Variants in SI observed in about 807,000 individuals in gnomAD.
SI encodes the protein sucrase-isomaltase, intestinal.
A neutral mutation model predicts 253.3 loss-of-function variants in SI; 235 were observed. The ratio of observed to expected loss-of-function variants is 0.93; its 90% CI spans 0.83 to 1.03. The LOEUF (loss-of-function observed/expected upper bound fraction) is 1.03, where lower values mean the gene tolerates loss of function less well. Among genes scored for constraint, SI ranks in the 50% least tolerant of loss-of-function variants. The pLI is 0.00. For missense variants in SI, 2,442 were observed against 2,211.1 expected, an observed-to-expected ratio of 1.10 and a Z score of -2.09; for synonymous variants, 819 against 712.0, an observed-to-expected ratio of 1.15 and a Z score of -2.39.
intron 3 of SI, among the ~76,000 whole-genome samples, chr3:165,073,558 A>G (rs1337157619): frequency 6.6e-6 from 1 of 152,084 alleles, no homozygotes; most frequent in East Asian, 1.9e-4. Flanking sequence ...TAGTTTATTC[A>G]GTTAATTTGT....
chr3:165,008,411 A>T (rs377673301), intron 35 of SI, among the ~76,000 whole-genome samples: 2 of 152,110 alleles, frequency 1.3e-5, no homozygotes, highest in East Asian at 3.9e-4. Context: ...AAGTATCTCT[A>T]TTGAGTACAT....
intron 18 of SI, among the ~76,000 whole-genome samples, 172 bp from the exon 19 acceptor site, chr3:165,040,143 A>G (rs538753648): frequency 1.4e-4 from 21 of 151,774 alleles, no homozygotes; most frequent in African/African-American, 4.8e-4. Flanking sequence ...TGTTCATCTG[A>G]CACTCAGGAA....
chr3:165,068,310 A>C (rs1714363820), intron 5 of SI, among the ~76,000 whole-genome samples: 2 of 152,226 alleles, frequency 1.3e-5, no homozygotes. Flanking sequence ...TGCAGAGCAC[A>C]CTATTATTAT....
intron 44 of SI, among the ~76,000 whole-genome samples, chr3:164,988,779 A>C (rs889467357): frequency 6.6e-6 from 1 of 152,208 alleles, no homozygotes; most frequent in Non-Finnish European, 1.5e-5. Context: ...GACAGGAATA[A>C]GAGATTTACA....
At chr3:165,075,762 T>C (rs2108117301) in intron 2 of SI, 133 bp downstream of exon 2, 1 of 592,130 alleles carries the variant, frequency 1.7e-6, no homozygotes, top group South Asian at 2.4e-5. Context: ...TGGAAGTAAT[T>C]GTGTAACTTA....
Position 164,979,277 on chromosome 3 carries a change from C to T in SI, c.*85G>A, listed in dbSNP as rs1160488104. On this transcript the variant is annotated 3_prime_UTR_variant, in exon 48 of 48. Coordinates refer to ENST00000264382, the MANE Select transcript of SI (RefSeq NM_001041.4). ...AGCTATATTTTGTAGAGTACAAGAA[C>T]CAAGTGAAGAGGGAAAATTGTAAGT... The T allele has an allele frequency of 7.3e-6, 6 of 824,896 alleles. No individual in the cohort carries two copies. Among genetic ancestry groups the T allele is most frequent in the Non-Finnish European group, 1.3e-5 (6 of 469,236 alleles). The allele number at this position is 824,896 out of a possible 1,614,324, so 51.1% of individuals were successfully genotyped here.
At chr3:165,030,644 A>G (rs1187233277) in intron 25 of SI, 68 bp downstream of exon 25, 2 of 1,479,186 alleles carry the variant, frequency 1.4e-6, no homozygotes, top group Non-Finnish European at 1.9e-6. Context: ...AAATTATAAT[A>G]TGTAAAATTT....
intron 26 of SI, 26 bp from the exon 27 acceptor site, chr3:165,021,409 T>C (rs899799939): frequency 6.4e-7 from 1 of 1,567,380 alleles, no homozygotes; most frequent in Non-Finnish European, 8.8e-7. Context: ...AGTAAAAAAG[T>C]TTATTCTGAT....
In SI at chr3:165,039,398, A is replaced by C. The variant is rs111319003; in HGVS notation, c.2245-264T>G. Among the ~76,000 whole-genome samples the C allele has an allele frequency of 5.4e-3, 821 of 152,252 alleles. 7 individuals carry two copies. The highest frequency in any genetic ancestry group is 0.019 in the African/African-American group (784 of 41,566). ...ATGCATATATGTGTATTGTTATAAA[A>C]CACATGGTCATTGTGAATGTGAATA... On this transcript the variant is annotated intron_variant, in intron 19 of 47. Coordinates refer to ENST00000264382, the MANE Select transcript of SI (RefSeq NM_001041.4).
intron 17 of SI, 91 bp from the exon 18 acceptor site, chr3:165,041,185 T>A: frequency 9.0e-7 from 1 of 1,116,060 alleles, no homozygotes; most frequent in Non-Finnish European, 1.3e-6. Flanking sequence ...TTAAAGCAAC[T>A]ACATAAATTT....
At chr3:165,056,453 G>A (rs1395884054) in intron 12 of SI, among the ~76,000 whole-genome samples, 1 of 152,054 alleles carries the variant, frequency 6.6e-6, no homozygotes, top group African/African-American at 2.4e-5. Context: ...CCAAATTCAG[G>A]TGAGTGATCA....
intron 15 of SI, 89 bp downstream of exon 15, chr3:165,049,038 A>G (rs1713288853): frequency 1.2e-6 from 1 of 830,694 alleles, no homozygotes; most frequent in Non-Finnish European, 2.1e-6. Context: ...CAACTTTGCT[A>G]TTTCCTAATT....
intron 47 of SI, among the ~76,000 whole-genome samples, chr3:164,981,362 C>G (rs553067946): frequency 6.6e-6 from 1 of 152,120 alleles, no homozygotes; most frequent in Admixed American, 6.6e-5. Context: ...TGCTGTTTAA[C>G]TCTGACATCC....
upstream of SI, among the ~76,000 whole-genome samples, chr3:165,080,812 T>C (rs1214011490): frequency 6.6e-6 from 1 of 151,874 alleles, no homozygotes; most frequent in African/African-American, 2.4e-5. Flanking sequence ...AATGACTAGT[T>C]AATGGGTGCA....
chr3:165,034,802 T>C (rs1259617180), intron 22 of SI, among the ~76,000 whole-genome samples: 1 of 151,946 alleles, frequency 6.6e-6, no homozygotes, highest in Non-Finnish European at 1.5e-5. Flanking sequence ...AAATGGAGGA[T>C]CATTAGAAGG....
intron 14 of SI, 41 bp downstream of exon 14, chr3:165,049,750 T>C (rs1252710439): frequency 8.7e-7 from 1 of 1,147,666 alleles, no homozygotes; most frequent in East Asian, 2.4e-5. Context: ...ACAAAATTAT[T>C]CTCAATTAAA....
chr3:165,042,566 T>C (rs1348496993), intron 17 of SI, among the ~76,000 whole-genome samples: 7 of 152,136 alleles, frequency 4.6e-5, no homozygotes, highest in African/African-American at 1.4e-4. Context: ...GTTAGTTTTG[T>C]TTTTGTCTCT....
chr3:165,054,050 G>T (rs1713566433), intron 13 of SI, among the ~76,000 whole-genome samples: 1 of 152,000 alleles, frequency 6.6e-6, no homozygotes, highest in African/African-American at 2.4e-5. Context: ...GTTGTCAGCA[G>T]AAACATAATC....
chr3:164,998,119 T>G (rs866029737), intron 38 of SI, among the ~76,000 whole-genome samples: 1 of 151,848 alleles, frequency 6.6e-6, no homozygotes, highest in Non-Finnish European at 1.5e-5. Context: ...CTTTTCACAA[T>G]AGTTTAATTA....
Sources: gnomAD v4.1 joint callset for allele counts (sites outside exome capture counted in the v4.1 genomes callset) on GRCh38, gnomAD v4.1.1 for gene constraint, MANE v1.5 for transcripts, NCBI Gene and HGNC (gene_info 2026-07-23, HGNC 2026-07-21) for gene names.